The following ITPRID1 variants were observed in gnomAD, a reference collection of about 807,000 sequenced individuals.
ITPRID1 encodes protein ITPRID1.
A neutral mutation model predicts 95.4 loss-of-function variants in ITPRID1; 96 were observed. That is an observed-to-expected ratio of 1.01 (90% confidence interval 0.85 to 1.19). ITPRID1 has a LOEUF of 1.19. Ranked by LOEUF, ITPRID1 falls within the 50% of genes most tolerant of loss-of-function variation. The pLI is 0.00. For missense variants in ITPRID1, 1,339 were observed against 1,252.9 expected, an observed-to-expected ratio of 1.07 and a Z score of -1.04; for synonymous variants, 510 against 453.6, an observed-to-expected ratio of 1.12 and a Z score of -1.58.
intron 10 of ITPRID1, among the ~76,000 whole-genome samples, chr7:31,626,445 GAAGT>G (rs1788476117): frequency 6.6e-6 from 1 of 152,132 alleles, no homozygotes; most frequent in East Asian, 1.9e-4. Context: ...TATTTAGATA[GAAGT>G]AAGTTTTCCC....
intron 10 of ITPRID1, among the ~76,000 whole-genome samples, chr7:31,629,875 C>G (rs1439400296): frequency 2.6e-5 from 4 of 152,090 alleles, no homozygotes; most frequent in African/African-American, 9.7e-5. Context: ...CACCAGCGTA[C>G]TGAATTAGGA....
intron 9 of ITPRID1, among the ~76,000 whole-genome samples, chr7:31,581,286 C>T (rs554385062): frequency 1.3e-5 from 2 of 152,222 alleles, no homozygotes; most frequent in African/African-American, 4.8e-5. Flanking sequence ...GTTTGTCTCA[C>T]TTCTCAAAAG....
intron 5 of ITPRID1, among the ~76,000 whole-genome samples, chr7:31,565,603 T>C (rs903047638): frequency 6.6e-6 from 1 of 152,118 alleles, no homozygotes; most frequent in Non-Finnish European, 1.5e-5. Flanking sequence ...CCAGGCGTTG[T>C]GGCACATGCT....
At chr7:31,589,078 T>C (rs1337882216) in intron 10 of ITPRID1, among the ~76,000 whole-genome samples, 1 of 152,016 alleles carries the variant, frequency 6.6e-6, no homozygotes, top group African/African-American at 2.4e-5. Context: ...TGCTGAAGGA[T>C]GTAGAGGAAA....
At chr7:31,599,683 T>C (rs1786297762) in intron 10 of ITPRID1, among the ~76,000 whole-genome samples, 1 of 148,092 alleles carries the variant, frequency 6.8e-6, no homozygotes, top group Admixed American at 6.7e-5. Context: ...TCTCTCTCTC[T>C]CTCTCTCTCT....
intron 1 of ITPRID1, among the ~76,000 whole-genome samples, chr7:31,519,620 C>CTCTCCATATATATATATATATA: frequency 1.2e-4 from 3 of 25,270 alleles, no homozygotes; most frequent in East Asian, 3.0e-3. Context: ...CTCTCTCTCT[C>CTCTCCATATATATATATATATA]TATATATATA....
At chr7:31,637,559 C>G (rs1484392059) in intron 10 of ITPRID1, among the ~76,000 whole-genome samples, 1 of 152,076 alleles carries the variant, frequency 6.6e-6, no homozygotes, top group South Asian at 2.1e-4. Flanking sequence ...CTGTTCATAT[C>G]CTTTACCCAC....
At chr7:31,598,549 G>T (rs1035171681) in intron 10 of ITPRID1, among the ~76,000 whole-genome samples, 2 of 151,432 alleles carry the variant, frequency 1.3e-5, no homozygotes, top group African/African-American at 4.9e-5. Flanking sequence ...GACTACAGGC[G>T]CCCGCTACCA....
At chr7:31,606,944 T>C (rs1418906565) in intron 10 of ITPRID1, among the ~76,000 whole-genome samples, 1 of 152,186 alleles carries the variant, frequency 6.6e-6, no homozygotes, top group East Asian at 1.9e-4. Flanking sequence ...TCTACTCTTT[T>C]GGTCATTTTT....
In ITPRID1 at chr7:31,516,936, C is replaced by G. The variant is rs775965724; in HGVS notation, c.-98+2816C>G. 2.0e-5 allele frequency among the ~76,000 whole-genome samples: 3 copies of G among 152,308 alleles called. No homozygotes were observed. The South Asian group carries it at 6.2e-4, about 32-fold the overall frequency. On this transcript the variant is annotated intron_variant, in intron 1 of 14. Transcript: ENST00000615280. ...TGTCCCTTCTGACGTTCGGACCTGT[C>G]CGGAGTTTCTTCCTGCTGGTGGGTT...
rs116908530 is a variant in ITPRID1 at position 31,563,161 on chromosome 7, G to A, written c.257-6597G>A. 5.5e-4 allele frequency among the ~76,000 whole-genome samples: 84 copies of A among 152,276 alleles called. No individual in the cohort carries two copies. The East Asian group carries it at 0.015, about 28-fold the overall frequency. On this transcript the variant is annotated intron_variant, in intron 5 of 14. Coordinates refer to ENST00000615280, the MANE Select transcript of ITPRID1 (RefSeq NM_001257967.3). ...GGTGAGACTGAAACTAGTAAATGAA[G>A]GAGGAATATGGTTTTTAAAAAACAA...
chr7:31,611,852 C>T (rs187363869), intron 10 of ITPRID1, among the ~76,000 whole-genome samples: 24 of 151,934 alleles, frequency 1.6e-4, no homozygotes, highest in East Asian at 1.5e-3. Context: ...TTTTCCTCTC[C>T]GGAGTTTGTT....
chr7:31,563,365 A>T (rs1784688905), intron 5 of ITPRID1, among the ~76,000 whole-genome samples: 1 of 152,142 alleles, frequency 6.6e-6, no homozygotes, highest in Admixed American at 6.5e-5. Flanking sequence ...ATGAGGTCAT[A>T]TTATAACTTT....
At chr7:31,573,401 TAAAG>T (rs1157401141) in intron 7 of ITPRID1, among the ~76,000 whole-genome samples, 1 of 151,464 alleles carries the variant, frequency 6.6e-6, no homozygotes, top group East Asian at 1.9e-4. Flanking sequence ...ACAAAATAAT[TAAAG>T]AAAAAAAAGA....
chr7:31,589,793 G>A (rs1785783619), intron 10 of ITPRID1, among the ~76,000 whole-genome samples: 1 of 152,114 alleles, frequency 6.6e-6, no homozygotes, highest in Non-Finnish European at 1.5e-5. Flanking sequence ...TGTAAACATT[G>A]CTAAAGGAAG....
At chr7:31,639,982 A>G (rs778101450) in intron 10 of ITPRID1, among the ~76,000 whole-genome samples, 16 of 152,164 alleles carry the variant, frequency 1.1e-4, no homozygotes, top group Non-Finnish European at 2.1e-4. Flanking sequence ...ATTTTTTAAT[A>G]TATGCCACAC....
At chr7:31,608,195 C>G (rs1348493455) in intron 10 of ITPRID1, among the ~76,000 whole-genome samples, 2 of 151,988 alleles carry the variant, frequency 1.3e-5, no homozygotes, top group Non-Finnish European at 2.9e-5. Context: ...TTTCTAATCT[C>G]TCTAAGTTCT....
At chr7:31,538,913 A>G (rs1783844785) in intron 1 of ITPRID1, among the ~76,000 whole-genome samples, 1 of 152,198 alleles carries the variant, frequency 6.6e-6, no homozygotes, top group Admixed American at 6.5e-5. Flanking sequence ...TAAGTTTTGC[A>G]CCCAATTACG....
intron 1 of ITPRID1, among the ~76,000 whole-genome samples, chr7:31,533,409 T>G (rs1416874414): frequency 2.0e-5 from 3 of 152,202 alleles, no homozygotes; most frequent in African/African-American, 7.2e-5. Context: ...TGTTTGAAAC[T>G]TTTAAAGAAA....
Sources: allele counts gnomAD v4.1 joint callset (sites outside exome capture counted in the v4.1 genomes callset), GRCh38; gene constraint gnomAD v4.1.1; transcripts MANE v1.5; gene names NCBI Gene and HGNC (gene_info 2026-07-23, HGNC 2026-07-21).